TMEM232: variants seen among roughly 807,000 people sequenced by gnomAD.
TMEM232 encodes the protein transmembrane protein 232.
TMEM232 carries 80 observed loss-of-function variants against 78.8 expected under a neutral mutation model. The ratio of observed to expected loss-of-function variants is 1.01; its 90% CI spans 0.85 to 1.22. TMEM232 has a LOEUF of 1.22. Ranked by LOEUF, TMEM232 falls within the 50% of genes most tolerant of loss-of-function variation. The pLI, the probability that TMEM232 is intolerant of heterozygous loss-of-function variation, is 0.00. For missense variants in TMEM232, 881 were observed against 742.2 expected, an observed-to-expected ratio of 1.19 and a Z score of -2.17; for synonymous variants, 297 against 254.3, an observed-to-expected ratio of 1.17 and a Z score of -1.60.
intron 7 of TMEM232, among the ~76,000 whole-genome samples, chr5:110,624,262 T>C (rs953604597): frequency 6.6e-6 from 1 of 152,166 alleles, no homozygotes; most frequent in Non-Finnish European, 1.5e-5. Flanking sequence ...TTATTATTCA[T>C]GTTTGCATGG....
intron 3 of TMEM232, among the ~76,000 whole-genome samples, chr5:110,393,016 A>G (rs1755259937): frequency 6.6e-6 from 1 of 152,202 alleles, no homozygotes; most frequent in African/African-American, 2.4e-5. Flanking sequence ...TACTAATTTA[A>G]TTCTGTTACT....
chr5:110,580,260 T>C (rs1460681592), intron 10 of TMEM232, among the ~76,000 whole-genome samples: 1 of 151,736 alleles, frequency 6.6e-6, no homozygotes, highest in East Asian at 1.9e-4. Flanking sequence ...AAAATTATAT[T>C]AGCTGGTGAC....
intron 3 of TMEM232, among the ~76,000 whole-genome samples, chr5:110,393,902 G>C (rs185446559): frequency 6.7e-6 from 1 of 150,134 alleles, no homozygotes; most frequent in Non-Finnish European, 1.5e-5. Context: ...AGGTTGCAGC[G>C]GGCCACAATC....
chr5:110,674,283 T>C (rs1791747835), intron 1 of TMEM232, among the ~76,000 whole-genome samples: 1 of 152,150 alleles, frequency 6.6e-6, no homozygotes, highest in Non-Finnish European at 1.5e-5. Flanking sequence ...AGGAGTTAAT[T>C]TGATAAATGT....
chr5:110,399,221 G>C (rs1169678134), intron 2 of TMEM232, among the ~76,000 whole-genome samples: 1 of 152,030 alleles, frequency 6.6e-6, no homozygotes, highest in Non-Finnish European at 1.5e-5. Flanking sequence ...TCTGAGCATA[G>C]CCATTAATCC....
At chr5:110,724,143 A>G (rs763751219) in intron 1 of TMEM232, among the ~76,000 whole-genome samples, 7 of 152,180 alleles carry the variant, frequency 4.6e-5, no homozygotes, top group Non-Finnish European at 8.8e-5. Flanking sequence ...TGTAATAATA[A>G]TAACTCTTGC....
intron 13 of TMEM232, among the ~76,000 whole-genome samples, chr5:110,422,814 A>G (rs911249266): frequency 2.0e-5 from 3 of 152,138 alleles, no homozygotes; most frequent in Admixed American, 6.5e-5. Context: ...TGACCATGAC[A>G]ACAGATCAAT....
intron 12 of TMEM232, among the ~76,000 whole-genome samples, chr5:110,456,436 TGAA>T (rs1218185870): frequency 3.3e-5 from 5 of 152,028 alleles, no homozygotes; most frequent in Admixed American, 3.3e-4. Context: ...GTTCATGAAT[TGAA>T]GGAGTAAATA....
chr5:110,403,841 G>C (rs1311921196), intron 2 of TMEM232, among the ~76,000 whole-genome samples: 1 of 151,914 alleles, frequency 6.6e-6, no homozygotes, highest in Non-Finnish European at 1.5e-5. Context: ...GTGGGGTGGG[G>C]AGCAATGTGA....
chr5:110,484,639 A>G (rs1038576515), intron 12 of TMEM232, among the ~76,000 whole-genome samples: 1 of 152,212 alleles, frequency 6.6e-6, no homozygotes, highest in African/African-American at 2.4e-5. Flanking sequence ...ACAAACAGTA[A>G]TCAAAATAGA....
rs1561450592 is a variant in TMEM232 at position 110,390,907 on chromosome 5, A to T, written n.391-267T>A. On this transcript the variant is annotated intron_variant and non_coding_transcript_variant, in intron 3 of 8. Transcript: ENST00000507188. ...AGATTCATCTATCATTTGCATGTTA[A>T]CAAGTTTCAAAGAACTGGCACCATT... 4.6e-5 allele frequency among the ~76,000 whole-genome samples: 7 copies of T among 152,220 alleles called. No homozygotes were observed. The South Asian group carries it at 1.4e-3, about 32-fold the overall frequency.
intron 1 of TMEM232, among the ~76,000 whole-genome samples, chr5:110,710,097 G>A (rs905906611): frequency 5.3e-5 from 8 of 151,804 alleles, no homozygotes; most frequent in East Asian, 1.9e-4. Flanking sequence ...AATAGATACC[G>A]CAGAAATTCA....
intron 12 of TMEM232, among the ~76,000 whole-genome samples, chr5:110,525,957 T>C (rs1388019768): frequency 7.3e-6 from 1 of 137,208 alleles, no homozygotes; most frequent in Non-Finnish European, 1.5e-5. Context: ...TAAGGGAAGA[T>C]GGATGACGCA....
chr5:110,672,148 G>A lies in TMEM232; in HGVS notation c.-12-4784C>T, dbSNP rs563487667. 3.9e-5 allele frequency among the ~76,000 whole-genome samples: 6 copies of A among 152,148 alleles called. No individual in the cohort carries two copies. The South Asian group carries it at 1.2e-3, about 31-fold the overall frequency. On this transcript the variant is annotated intron_variant, in intron 1 of 13. Transcript: ENST00000455884. The stretch of plus-strand genomic sequence containing the variant: ...TGGCTATTTCTTGAGATATTTCACA[G>A]AGTTGGCTATAATTAGTAATATTTT...
At chr5:110,687,490 C>T (rs1012025954) in intron 1 of TMEM232, among the ~76,000 whole-genome samples, 2 of 152,102 alleles carry the variant, frequency 1.3e-5, no homozygotes, top group African/African-American at 4.8e-5. Flanking sequence ...CACTCTTCTA[C>T]CAGCCTTTCA....
At chr5:110,638,081 CAAAAG>C (rs1786128502) in intron 5 of TMEM232, 112 bp downstream of exon 5, 1 of 807,982 alleles carries the variant, frequency 1.2e-6, no homozygotes, top group South Asian at 3.2e-5. Flanking sequence ...AACTACCAAA[CAAAAG>C]AATATTCTAT....
chr5:110,461,255 T>TA (rs112954288), intron 12 of TMEM232, among the ~76,000 whole-genome samples: 14,455 of 148,906 alleles, frequency 0.097, 1,685 homozygotes, highest in African/African-American at 0.28. Flanking sequence ...CATGAATGAT[T>TA]AAAAAAAAAA....
At chr5:110,672,405 A>G (rs1448556839) in intron 1 of TMEM232, among the ~76,000 whole-genome samples, 1 of 152,196 alleles carries the variant, frequency 6.6e-6, no homozygotes, top group Non-Finnish European at 1.5e-5. Flanking sequence ...TTTTAGCAGT[A>G]CTGGTAAAAG....
chr5:110,632,363 C>T (rs1478149647), intron 5 of TMEM232, among the ~76,000 whole-genome samples: 1 of 151,730 alleles, frequency 6.6e-6, no homozygotes, highest in Non-Finnish European at 1.5e-5. Flanking sequence ...AAAGATGATA[C>T]TTCCAAAGGA....
Sources: gnomAD v4.1 joint callset for allele counts (sites outside exome capture counted in the v4.1 genomes callset) on GRCh38, gnomAD v4.1.1 for gene constraint, MANE v1.5 for transcripts, NCBI Gene and HGNC (gene_info 2026-07-23, HGNC 2026-07-21) for gene names.